ABCG8: variants seen among roughly 807,000 people sequenced by gnomAD.
ABCG8 encodes ATP-binding cassette sub-family G member 8.
In ABCG8, 81 loss-of-function variants were observed where a neutral mutation model predicts 71.3. The ratio of observed to expected loss-of-function variants is 1.14; its 90% CI spans 0.95 to 1.37. The LOEUF (loss-of-function observed/expected upper bound fraction) is 1.37. ABCG8 is among the 40% of genes most tolerant of loss of function. The pLI is 0.00. For synonymous variants in ABCG8, 451 were observed against 354.7 expected (o/e 1.27, Z -3.05); for missense variants, 1,119 against 866.2 (o/e 1.29, Z -3.66).
rs1156792351 is a variant in ABCG8, at chr2:43,877,956, C to T, written c.*43C>T. 1.9e-6 allele frequency: 3 copies of T among 1,613,722 alleles called. No homozygotes were observed. The highest frequency in any genetic ancestry group is 2.5e-6 in the Non-Finnish European group (3 of 1,179,922). On this transcript the variant is annotated 3_prime_UTR_variant, in exon 13 of 13. Coordinates refer to ENST00000272286, the MANE Select transcript of ABCG8 (RefSeq NM_022437.3). ...CCCGCTGGTGGGGGACCTGAGCAGA[C>T]CCTTCAACTGCACTCCCTCCTCAGG...
At chr2:43,855,239 T>A (rs1006074082) in intron 6 of ABCG8, among the ~76,000 whole-genome samples, 4 of 152,220 alleles carry the variant, frequency 2.6e-5, no homozygotes, top group African/African-American at 9.6e-5. Flanking sequence ...ACCATCTAGA[T>A]AGAACTCTCA....
chr2:43,857,726 C>T (rs77018843), intron 6 of ABCG8, among the ~76,000 whole-genome samples: 2 of 151,804 alleles, frequency 1.3e-5, no homozygotes, highest in Admixed American at 6.6e-5. Context: ...AGAACTCTCA[C>T]TATCTGGATA....
intron 1 of ABCG8, among the ~76,000 whole-genome samples, chr2:43,839,708 C>T (rs1205091881): frequency 6.6e-6 from 1 of 152,088 alleles, no homozygotes; most frequent in Non-Finnish European, 1.5e-5. Context: ...AGGCATGAGC[C>T]ACCGTGCCTG....
intron 6 of ABCG8, among the ~76,000 whole-genome samples, chr2:43,863,926 A>C (rs1489432908): frequency 1.3e-5 from 2 of 151,388 alleles, no homozygotes; most frequent in East Asian, 3.9e-4. Flanking sequence ...GTCCGGAAAC[A>C]TCTCTCACAA....
intron 3 of ABCG8, among the ~76,000 whole-genome samples, chr2:43,849,507 C>G (rs545664528): frequency 6.6e-6 from 1 of 152,286 alleles, no homozygotes; most frequent in Non-Finnish European, 1.5e-5. Context: ...CCCACCAGAT[C>G]CCTCCCTCGA....
chr2:43,841,125 A>C (rs977843992), intron 1 of ABCG8, among the ~76,000 whole-genome samples: 1 of 152,198 alleles, frequency 6.6e-6, no homozygotes, highest in Non-Finnish European at 1.5e-5. Flanking sequence ...TCAGCCAGGA[A>C]CAAGTCCTGC....
At chr2:43,851,438 C>A (rs142558447) in intron 3 of ABCG8, 146 bp from the exon 4 acceptor site, 2 of 897,862 alleles carry the variant, frequency 2.2e-6, no homozygotes, top group East Asian at 2.6e-5. Context: ...CATCTAGGTC[C>A]AGGGACTATG....
chr2:43,848,327 G>C (rs368827720), intron 3 of ABCG8: 1 of 152,102 alleles, frequency 6.6e-6, no homozygotes, highest in Non-Finnish European at 1.5e-5. Flanking sequence ...GTTACAGTTG[G>C]GTGTTCACCT....
chr2:43,872,550 C>T (rs1669819654), intron 8 of ABCG8, among the ~76,000 whole-genome samples: 1 of 152,016 alleles, frequency 6.6e-6, no homozygotes, highest in South Asian at 2.1e-4. Context: ...GGTGAAAGCC[C>T]ATCTCTACAA....
rs1670111145 is a variant in ABCG8, at chr2:43,880,819, T to A, written c.*2906T>A. On this transcript the variant is annotated 3_prime_UTR_variant, in exon 13 of 13. Coordinates refer to ENST00000272286, the MANE Select transcript of ABCG8 (RefSeq NM_022437.3). ...CTGGCTTCCATTACCCTTAGGTTAT[T>A]TACTCATTTGATTAACCGCCTGCAG... is the stretch of plus-strand genomic sequence containing the variant. The A allele has an allele frequency of 1.3e-5, 2 of 152,218 alleles. No homozygotes were observed. The highest frequency in any genetic ancestry group is 2.9e-5 in the Non-Finnish European group (2 of 68,034). The allele number at this position is 152,218 out of a possible 1,614,324, so 9.4% of individuals were successfully genotyped here. A position where few individuals can be genotyped will look rare whatever the true frequency, so the allele number is the denominator to read the frequency against.
intron 6 of ABCG8, among the ~76,000 whole-genome samples, chr2:43,870,242 T>TTTCTATCC (rs1669714490): frequency 6.6e-6 from 1 of 152,018 alleles, no homozygotes; most frequent in Non-Finnish European, 1.5e-5. Context: ...ACTCTCTGGA[T>TTTCTATCC]AGAACTAGCA....
intron 3 of ABCG8, chr2:43,846,861 G>A (rs4953023): frequency 0.068 from 12,675 of 187,758 alleles, 498 homozygotes; most frequent in African/African-American, 0.082. Context: ...AGGGGGCTTG[G>A]GGAACAGAGG....
At chr2:43,858,613 A>C (rs1273720358) in intron 6 of ABCG8, among the ~76,000 whole-genome samples, 1 of 150,422 alleles carries the variant, frequency 6.6e-6, no homozygotes, top group African/African-American at 2.4e-5. Flanking sequence ...TAGAACTCTC[A>C]CTATCTATCT....
At chr2:43,875,024 C>T in intron 10 of ABCG8, 122 bp from the exon 11 acceptor site, 2 of 1,401,288 alleles carry the variant, frequency 1.4e-6, no homozygotes, top group Admixed American at 1.9e-5. Flanking sequence ...CACCCTCCTG[C>T]CACAGCCTCA....
chr2:43,865,198 A>G (rs999646293), intron 6 of ABCG8, among the ~76,000 whole-genome samples: 16 of 144,796 alleles, frequency 1.1e-4, no homozygotes, highest in African/African-American at 3.6e-4. Flanking sequence ...AGCTCTCACT[A>G]TCTAGATAGA....
intron 3 of ABCG8, chr2:43,847,428 C>A (rs541151714): frequency 7.9e-5 from 12 of 152,342 alleles, no homozygotes; most frequent in African/African-American, 2.4e-4. Flanking sequence ...TAGATCCCGG[C>A]CAGGCACAGT....
At position 43,878,111 on chromosome 2, in the gene ABCG8, C is replaced by A; in HGVS notation, c.*198C>A. ...TAAAGACAGTCGAAAGGGATTTCTG[C>A]TCACTGGCAGGAGACTGCGATGACT... On this transcript the variant is annotated 3_prime_UTR_variant, in exon 13 of 13. Transcript: ENST00000272286. 2 of 747,456 alleles carry A rather than the reference C, an allele frequency of 2.7e-6. No individual in the cohort carries two copies. The highest frequency in any genetic ancestry group is 4.4e-6 in the Non-Finnish European group (2 of 452,936). The allele number at this position is 747,456 out of a possible 1,614,324, so 46.3% of individuals were successfully genotyped here.
At chr2:43,856,434 A>C (rs1028779649) in intron 6 of ABCG8, among the ~76,000 whole-genome samples, 1 of 151,888 alleles carries the variant, frequency 6.6e-6, no homozygotes, top group Non-Finnish European at 1.5e-5. Context: ...AACTGGATAG[A>C]ATTTTCACCA....
Position 43,873,996 on chromosome 2 carries a change from G to A in ABCG8, c.1411+10G>A, listed in dbSNP as rs773353260. ...GATGTCATCTCCAAATGTGAGTGTGGCCCACTGGCATGGGCAGGCAGGACC... is the reference window on the plus strand; with the variant it reads ...GATGTCATCTCCAAATGTGAGTGTGACCCACTGGCATGGGCAGGCAGGACC... On this transcript the variant is annotated intron_variant, in intron 9 of 12. Transcript: ENST00000272286. 9 of 1,613,506 alleles carry A rather than the reference G, an allele frequency of 5.6e-6. No individual in the cohort carries two copies. Among genetic ancestry groups the A allele is most frequent in the Non-Finnish European group, 4.2e-6 (5 of 1,180,036 alleles).
Sources: allele counts gnomAD v4.1 joint callset (sites outside exome capture counted in the v4.1 genomes callset), GRCh38; gene constraint gnomAD v4.1.1; transcripts MANE v1.5; gene names NCBI Gene and HGNC (gene_info 2026-07-23, HGNC 2026-07-21).